CD55: variants seen among roughly 807,000 people sequenced by gnomAD.
CD55 encodes the protein CD55 molecule (Cromer blood group), also known as complement decay-accelerating factor.
Under a neutral mutation model 45.8 loss-of-function variants are expected in CD55, and 41 were observed. That is an observed-to-expected ratio of 0.90 (90% CI 0.70 to 1.16). The LOEUF is 1.16. Ranked by LOEUF, CD55 falls within the 50% of genes most tolerant of loss-of-function variation. The probability of loss-of-function intolerance (pLI) is 0.00; values close to 1 mark genes in which losing one functional copy is unlikely to be tolerated. For missense variants in CD55, 416 were observed against 469.8 expected, an observed-to-expected ratio of 0.89 and a Z score of 1.06; for synonymous variants, 181 against 181.1, an observed-to-expected ratio of 1.00 and a Z score of 0.01.
chr1:207,325,851 A>T, intron 4 of CD55, 130 bp downstream of exon 4: 1 of 503,446 alleles, frequency 2.0e-6, no homozygotes, highest in South Asian at 3.3e-5. Context: ...CTCCTCAAAG[A>T]CCCTTCATCA....
At position 207,327,731 on chromosome 1, in the gene CD55, A is replaced by G. The variant is rs571750583; in HGVS notation, c.664+894A>G. Reference sequence around the variant, plus strand: ...ATTTAGTGTAATTTATCAAGCATTTATCGATTGACACTCTGGTAGGCAACG... The same window carrying G: ...ATTTAGTGTAATTTATCAAGCATTTGTCGATTGACACTCTGGTAGGCAACG... On this transcript the variant is annotated intron_variant, in intron 5 of 9. Transcript: ENST00000367064. Among the ~76,000 whole-genome samples, 4 of 152,296 alleles carry G rather than the reference A, an allele frequency of 2.6e-5. No individual in the cohort carries two copies. In the South Asian group the frequency reaches 8.3e-4, roughly 32 times the overall value.
chr1:207,325,648 A>T lies in CD55; in HGVS notation c.505A>T (p.Ile169Leu), dbSNP rs774630833. 1 of 1,609,870 alleles carries T rather than the reference A, an allele frequency of 6.2e-7. No individual in the cohort carries two copies. The highest frequency in any genetic ancestry group is 1.1e-5 in the South Asian group (1 of 90,452). Residue 169 changes from isoleucine (I) to leucine (L), a missense_variant, in exon 4 of 10, where the codon ATA (isoleucine) becomes TTA (leucine). Physicochemically the swap from Ile to Leu is conservative, Grantham distance 5 (BLOSUM62 2). This residue lies in a region of CD55 where 111 missense variants were observed against 163.4 expected (regional missense o/e 0.68). Transcript: ENST00000367064. Reference sequence around the variant, plus strand: ...GAAATCATGCCCTAATCCGGGAGAAATACGAAATGGTCAGATTGATGTACC... The same window carrying T: ...GAAATCATGCCCTAATCCGGGAGAATTACGAAATGGTCAGATTGATGTACC... Reference protein sequence around the residue: ...KKKSCPNPGEIRNGQIDVPGG... With the variant: ...KKKSCPNPGELRNGQIDVPGG...
chr1:207,342,177 T>C (rs1655454718), intron 9 of CD55, among the ~76,000 whole-genome samples: 1 of 152,116 alleles, frequency 6.6e-6, no homozygotes. Context: ...AATCGTATCA[T>C]TAAAAAAGAG....
chr1:207,345,203 C>A (rs1655583695), intron 9 of CD55, among the ~76,000 whole-genome samples: 1 of 151,994 alleles, frequency 6.6e-6, no homozygotes, highest in Non-Finnish European at 1.5e-5. Context: ...TTAGGGTGTC[C>A]CATATGTCAT....
chr1:207,336,891 C>T (rs1405169609), intron 7 of CD55, 73 bp downstream of exon 7: 3 of 1,539,498 alleles, frequency 1.9e-6, no homozygotes, highest in Middle Eastern at 3.4e-4. Flanking sequence ...CCACCAACTC[C>T]TCAGAAACCC....
chr1:207,339,470 C>G (rs1283449654), intron 9 of CD55, 53 bp downstream of exon 9: 3 of 1,308,380 alleles, frequency 2.3e-6, no homozygotes, highest in South Asian at 2.6e-5. Flanking sequence ...GTGGGATATA[C>G]AATCCATATT....
intron 9 of CD55, among the ~76,000 whole-genome samples, chr1:207,341,000 A>G (rs28738993): frequency 1.3e-5 from 2 of 152,028 alleles, no homozygotes; most frequent in African/African-American, 4.8e-5. Context: ...GAGGTTAAGA[A>G]CTGATAGCTC....
Position 207,321,688 on chromosome 1 carries a change from C to A in CD55, c.-78C>A. 1 of 1,090,260 alleles carries A rather than the reference C, an allele frequency of 9.2e-7. No homozygotes were observed. Among genetic ancestry groups the A allele is most frequent in the South Asian group, 1.6e-5 (1 of 62,172 alleles). 67.5% of individuals were successfully genotyped at this position (1,090,260 alleles called of 1,614,324 possible). A position where few individuals can be genotyped will look rare whatever the true frequency, so the allele number is the denominator to read the frequency against. On this transcript the variant is annotated 5_prime_UTR_variant, in exon 1 of 10. Transcript: ENST00000367064. ...GGAGCCACGAGGCTTCTGCTTACTG[C>A]AACTCGCTCCGGCCGCTGGGCGTAG...
intron 2 of CD55, among the ~76,000 whole-genome samples, chr1:207,323,205 TAA>T (rs1426232138): frequency 6.6e-6 from 1 of 150,700 alleles, no homozygotes; most frequent in Non-Finnish European, 1.5e-5. Flanking sequence ...TATATATATA[TAA>T]GGAGATATAT....
rs12044900 is a variant in CD55, at chr1:207,350,897, G to T, written c.1082-8649G>T. The stretch of plus-strand genomic sequence containing the variant: ...TTTTTTTTCTTCTGCTAGCTTTTGG[G>T]TTGGTTTGCTCTTGTTTTTTCTACA... On this transcript the variant is annotated intron_variant, in intron 9 of 9. Transcript: ENST00000367064. 5.9e-5 allele frequency among the ~76,000 whole-genome samples: 9 copies of T among 151,934 alleles called. No homozygotes were observed. In the East Asian group the frequency reaches 1.4e-3, roughly 23 times the overall value.
At position 207,336,761 on chromosome 1, in the gene CD55, G is replaced by C; in HGVS notation, c.922G>C (p.Glu308Gln). The change falls in exon 7 of 10, where the codon GAA (glutamate) becomes CAA (glutamine). Residue 308 changes from glutamate to glutamine, a missense_variant. Glu to Gln is a conservative substitution (Grantham distance 29, BLOSUM62 2). Coordinates refer to ENST00000367064, the MANE Select transcript of CD55 (RefSeq NM_000574.5). ...KPTTVNVPTT[E>Q]VSPTSQKTTT... Reference sequence around the variant, plus strand: ...TACCACAGTAAATGTTCCAACTACAGAAGTCTCACCAACTTCTCAGAAAAC... The same window carrying C: ...TACCACAGTAAATGTTCCAACTACACAAGTCTCACCAACTTCTCAGAAAAC... 6.2e-7 allele frequency: 1 copy of C among 1,613,864 alleles called. No homozygotes were observed. The highest frequency in any genetic ancestry group is 8.5e-7 in the Non-Finnish European group (1 of 1,179,864).
At chr1:207,356,290 C>T (rs887217845) in intron 9 of CD55, among the ~76,000 whole-genome samples, 2 of 152,056 alleles carry the variant, frequency 1.3e-5, no homozygotes, top group Non-Finnish European at 2.9e-5. Flanking sequence ...CAGTAGATGA[C>T]TCTCTTAGCT....
intron 2 of CD55, among the ~76,000 whole-genome samples, chr1:207,324,355 A>G (rs1654569258): frequency 6.6e-6 from 1 of 152,034 alleles, no homozygotes; most frequent in Non-Finnish European, 1.5e-5. Flanking sequence ...CTACTTCCTA[A>G]GCCTCTAGTA....
chr1:207,339,510 T>TA, intron 9 of CD55, 93 bp downstream of exon 9: 5 of 970,868 alleles, frequency 5.2e-6, no homozygotes, highest in Admixed American at 2.5e-5. Context: ...TTCTTGTTTT[T>TA]AAAAAAATGT....
chr1:207,350,321 C>CT (rs572119055), intron 9 of CD55, among the ~76,000 whole-genome samples: 52 of 152,078 alleles, frequency 3.4e-4, no homozygotes, highest in Middle Eastern at 6.8e-3. Flanking sequence ...CTGAAGTTTT[C>CT]TTTTTTTGTC....
At chr1:207,334,211 AC>A (rs980199722) in intron 6 of CD55, among the ~76,000 whole-genome samples, 1 of 152,132 alleles carries the variant, frequency 6.6e-6, no homozygotes, top group Non-Finnish European at 1.5e-5. Flanking sequence ...AATGATGCAA[AC>A]CAAAAGACAA....
intron 2 of CD55, 47 bp from the exon 3 acceptor site, chr1:207,324,512 A>G: frequency 7.3e-7 from 1 of 1,374,866 alleles, no homozygotes. Context: ...TTATAAAACA[A>G]AAATTGATAC....
intron 5 of CD55, among the ~76,000 whole-genome samples, chr1:207,327,071 T>C (rs1375525297): frequency 6.6e-6 from 1 of 152,222 alleles, no homozygotes; most frequent in East Asian, 1.9e-4. Flanking sequence ...AGAATGAGGA[T>C]TAAAAACAAA....
chr1:207,337,225 A>T, intron 7 of CD55, 104 bp from the exon 8 acceptor site: 1 of 762,210 alleles, frequency 1.3e-6, no homozygotes, highest in Admixed American at 2.1e-5. Flanking sequence ...CAAAAGTTGC[A>T]TTTACGCAGA....
Sources: allele counts gnomAD v4.1 joint callset (sites outside exome capture counted in the v4.1 genomes callset), GRCh38; gene constraint gnomAD v4.1.1; regional missense constraint gnomAD v4.1.1; transcripts MANE v1.5; gene names NCBI Gene and HGNC (gene_info 2026-07-23, HGNC 2026-07-21).